MYO5B: variants seen among roughly 807,000 people sequenced by gnomAD.
MYO5B encodes the protein myosin VB.
A neutral mutation model predicts 229.3 loss-of-function variants in MYO5B; 143 were observed. That is an observed-to-expected ratio of 0.62 (90% confidence interval 0.54 to 0.72). The LOEUF (loss-of-function observed/expected upper bound fraction) is 0.72. Among genes scored for constraint, MYO5B ranks in the 30% least tolerant of loss-of-function variants. MYO5B has a pLI of 0.00. For missense variants in MYO5B, 2,321 were observed against 2,331.0 expected (o/e 1.00, Z 0.09); for synonymous variants, 918 against 885.2 (o/e 1.04, Z -0.66).
intron 10 of MYO5B, among the ~76,000 whole-genome samples, chr18:49,970,229 C>T (rs1314089810): frequency 6.6e-6 from 1 of 152,208 alleles, no homozygotes; most frequent in African/African-American, 2.4e-5. Context: ...CAAAAATACC[C>T]TGAAGGCGAC....
At chr18:49,937,113 G>T (rs2025259177) in intron 15 of MYO5B, 132 bp downstream of exon 15, 1 of 1,081,682 alleles carries the variant, frequency 9.2e-7, no homozygotes, top group Non-Finnish European at 1.4e-6. Context: ...ACAAGATAGA[G>T]CTGGATGGCT....
intron 16 of MYO5B, among the ~76,000 whole-genome samples, chr18:49,934,001 G>T (rs1362400235): frequency 6.6e-6 from 1 of 152,078 alleles, no homozygotes; most frequent in Non-Finnish European, 1.5e-5. Flanking sequence ...TCAGCCTCTG[G>T]AGTAGCTGGG....
intron 39 of MYO5B, among the ~76,000 whole-genome samples, chr18:49,828,647 G>A (rs1025073827): frequency 1.3e-5 from 2 of 152,060 alleles, no homozygotes. Flanking sequence ...ATATGGAACA[G>A]TCTCCAATAT....
chr18:50,001,374 A>T lies in MYO5B; in HGVS notation c.493T>A (p.Ser165Thr). The T allele has an allele frequency of 6.2e-7, 1 of 1,613,978 alleles. No individual in the cohort carries two copies. The highest frequency in any genetic ancestry group is 8.5e-7 in the Non-Finnish European group (1 of 1,179,958). Residue 165 changes from serine to threonine, a missense_variant, in exon 5 of 40, where the codon TCT becomes ACT. By Grantham distance (58) the Ser-to-Thr change is moderately conservative (BLOSUM62 1). Transcript: ENST00000285039. Reference sequence around the variant, plus strand: ...GCTGATACCGTCTTCCCGGCTCCAGACTCCCCACTGACTATGATGGACTGA... The same window carrying T: ...GCTGATACCGTCTTCCCGGCTCCAGTCTCCCCACTGACTATGATGGACTGA... ...KNQSIIVSGESGAGKTVSAKY... is the reference protein window; with the variant it reads ...KNQSIIVSGETGAGKTVSAKY...
chr18:49,837,246 C>A (rs1300750034), intron 37 of MYO5B, among the ~76,000 whole-genome samples: 2 of 152,166 alleles, frequency 1.3e-5, no homozygotes, highest in African/African-American at 4.8e-5. Context: ...TTCTCTCTGA[C>A]CTATCTGCTT....
intron 38 of MYO5B, 34 bp from the exon 39 acceptor site, chr18:49,835,458 C>T (rs372889233): frequency 1.4e-5 from 19 of 1,373,010 alleles, no homozygotes; most frequent in South Asian, 1.3e-4. Flanking sequence ...TAGCACAGAG[C>T]TAAATGAACA....
intron 17 of MYO5B, among the ~76,000 whole-genome samples, chr18:49,928,433 CAG>C (rs1486643704): frequency 6.6e-6 from 1 of 152,190 alleles, no homozygotes; most frequent in Non-Finnish European, 1.5e-5. Flanking sequence ...CACCTGAGGT[CAG>C]GAGTTTGAGG....
At position 49,859,985 on chromosome 18, in the gene MYO5B, G is replaced by A. The variant is rs1011587682; in HGVS notation, c.3945-3095C>T. Among the ~76,000 whole-genome samples the A allele has an allele frequency of 5.3e-5, 8 of 151,828 alleles. No individual in the cohort carries two copies. The East Asian group carries it at 1.2e-3, about 22-fold the overall frequency. On this transcript the variant is annotated intron_variant, in intron 29 of 39. Coordinates refer to ENST00000285039, the MANE Select transcript of MYO5B (RefSeq NM_001080467.3). ...ACAGGCCCCTGGTGTGTGTATTGGC[G>A]GGGGGCGGCGGGTGTGAATAATAAC...
At chr18:49,948,744 T>G (rs1787289) in intron 14 of MYO5B, among the ~76,000 whole-genome samples, 6,359 of 152,164 alleles carry the variant, frequency 0.042, 416 homozygotes, top group African/African-American at 0.13. Context: ...TGTCATTCCT[T>G]GACAAGCTGA....
chr18:50,092,342 C>T (rs1425308924), intron 1 of MYO5B, among the ~76,000 whole-genome samples: 4 of 152,096 alleles, frequency 2.6e-5, no homozygotes, highest in Non-Finnish European at 5.9e-5. Context: ...AAGAATGGGT[C>T]TTGCATTTGA....
At chr18:49,966,488 C>T (rs2025627344) in intron 10 of MYO5B, among the ~76,000 whole-genome samples, 1 of 152,150 alleles carries the variant, frequency 6.6e-6, no homozygotes. Context: ...AACCTTACTG[C>T]CTTCCCCGAT....
chr18:49,919,698 G>A (rs1000885201), intron 17 of MYO5B, among the ~76,000 whole-genome samples: 4 of 152,140 alleles, frequency 2.6e-5, no homozygotes, highest in South Asian at 4.1e-4. Context: ...GCATAGAAAC[G>A]GGAACCCTCA....
rs140080995 is a variant in MYO5B, at chr18:49,892,148, G to A, written c.3045+2793C>T. On this transcript the variant is annotated intron_variant, in intron 22 of 39. Coordinates refer to ENST00000285039, the MANE Select transcript of MYO5B (RefSeq NM_001080467.3). Reference sequence around the variant, plus strand: ...AAAACAGCACAGCTGTACAAAAGCAGCCGGCATAGGGATCGCTGAAGCTTT... The same window carrying A: ...AAAACAGCACAGCTGTACAAAAGCAACCGGCATAGGGATCGCTGAAGCTTT... 3.4e-3 allele frequency among the ~76,000 whole-genome samples: 513 copies of A among 152,336 alleles called. 2 individuals carry two copies. Among genetic ancestry groups the A allele is most frequent in the African/African-American group, 0.012 (493 of 41,568 alleles).
chr18:50,147,140 C>T (rs2032516123), intron 1 of MYO5B, among the ~76,000 whole-genome samples: 1 of 152,138 alleles, frequency 6.6e-6, no homozygotes. Context: ...ACAGTATGTC[C>T]AAAAGCTCAC....
intron 1 of MYO5B, among the ~76,000 whole-genome samples, chr18:50,086,743 A>G (rs1176504889): frequency 6.6e-6 from 1 of 152,202 alleles, no homozygotes; most frequent in Non-Finnish European, 1.5e-5. Context: ...GGAGCTCAGA[A>G]GAGAGTAAAG....
chr18:49,863,218 C>T lies in MYO5B; in HGVS notation c.3944+9G>A, dbSNP rs199862906. The stretch of plus-strand genomic sequence containing the variant: ...CCTCGTCCAGCACATTTGACCGCGG[C>T]GGCCTTACCTGTTTGTCTGGCAGAC... On this transcript the variant is annotated intron_variant, in intron 29 of 39. Coordinates refer to ENST00000285039, the MANE Select transcript of MYO5B (RefSeq NM_001080467.3). The T allele has an allele frequency of 2.9e-5, 46 of 1,609,078 alleles. No individual in the cohort carries two copies. Among genetic ancestry groups the T allele is most frequent in the Middle Eastern group, 2.0e-4 (1 of 4,900 alleles).
chr18:50,138,126 C>T (rs1423414848), intron 1 of MYO5B, among the ~76,000 whole-genome samples: 1 of 152,088 alleles, frequency 6.6e-6, no homozygotes, highest in Non-Finnish European at 1.5e-5. Context: ...AATATATACC[C>T]GTGAACATAT....
At chr18:50,112,458 A>T (rs1337669050) in intron 1 of MYO5B, among the ~76,000 whole-genome samples, 2 of 151,988 alleles carry the variant, frequency 1.3e-5, no homozygotes, top group African/African-American at 4.8e-5. Flanking sequence ...CCACCCACCC[A>T]CCTGCCCACA....
intron 1 of MYO5B, among the ~76,000 whole-genome samples, chr18:50,075,089 C>G (rs2031048004): frequency 6.6e-6 from 1 of 152,180 alleles, no homozygotes; most frequent in South Asian, 2.1e-4. Flanking sequence ...AGCCACCATG[C>G]CTGGCCTGGA....
Sources: gnomAD v4.1 joint callset for allele counts (sites outside exome capture counted in the v4.1 genomes callset) on GRCh38, gnomAD v4.1.1 for gene constraint, MANE v1.5 for transcripts, NCBI Gene and HGNC (gene_info 2026-07-23, HGNC 2026-07-21) for gene names.